The following RSPRY1 variants were observed in gnomAD, a reference collection of about 807,000 sequenced individuals.
RSPRY1 encodes ring finger and SPRY domain containing 1.
RSPRY1 carries 23 observed loss-of-function variants against 73.1 expected under a neutral mutation model. The observed-to-expected ratio is 0.31, with a 90% CI of 0.23 to 0.45. The LOEUF (loss-of-function observed/expected upper bound fraction) is 0.45, where lower values mean the gene tolerates loss of function less well. Ranked by LOEUF, RSPRY1 falls within the 20% of genes least tolerant of loss-of-function variation. The pLI is 1.00. For missense variants in RSPRY1, 448 were observed against 698.7 expected (o/e 0.64, Z 4.05); for synonymous variants, 226 against 251.4 (o/e 0.90, Z 0.95).
At chr16:57,234,986 C>T in intron 13 of RSPRY1, 138 bp from the exon 14 acceptor site, 1 of 615,012 alleles carries the variant, frequency 1.6e-6, no homozygotes, top group Non-Finnish European at 2.9e-6. Flanking sequence ...AAGGAGATGG[C>T]ATGTATGAAA....
intron 1 of RSPRY1, among the ~76,000 whole-genome samples, chr16:57,199,415 G>A (rs1393049520): frequency 9.9e-5 from 15 of 152,042 alleles, no homozygotes; most frequent in Admixed American, 9.2e-4. Context: ...TCACTTGAAC[G>A]TGGGAGGCAG....
At chr16:57,216,632 A>G (rs2074945926) in intron 7 of RSPRY1, 1 of 409,676 alleles carries the variant, frequency 2.4e-6, no homozygotes, top group Non-Finnish European at 4.5e-6. Context: ...AGGCGGGGGG[A>G]TCACTTGAGC....
chr16:57,230,044 C>T lies in RSPRY1; in HGVS notation c.1274-667C>T, dbSNP rs1287566325. ...TTTTTTTTTTGAGATGGATTTTTGC[C>T]CCGTCACCCAGGCTGGAGTGCAATG... On this transcript the variant is annotated intron_variant, in intron 11 of 14. Coordinates refer to ENST00000394420, the MANE Select transcript of RSPRY1 (RefSeq NM_133368.3). Among the ~76,000 whole-genome samples, 86 of 97,452 alleles carry T rather than the reference C, an allele frequency of 8.8e-4. No individual in the cohort carries two copies. In the Middle Eastern group the frequency reaches 0.031, roughly 35 times the overall value. The allele number at this position is 97,452 out of a possible 152,430, so 63.9% of individuals were successfully genotyped here. A position where few individuals can be genotyped will look rare whatever the true frequency, so the allele number is the denominator to read the frequency against.
chr16:57,194,172 A>C (rs1169431612), intron 1 of RSPRY1, among the ~76,000 whole-genome samples: 1 of 152,224 alleles, frequency 6.6e-6, no homozygotes, highest in Non-Finnish European at 1.5e-5. Context: ...ATTTAAGAGA[A>C]AGTATACTGA....
At chr16:57,193,561 C>T (rs1463007485) in intron 1 of RSPRY1, among the ~76,000 whole-genome samples, 7 of 150,680 alleles carry the variant, frequency 4.6e-5, no homozygotes, top group South Asian at 2.1e-4. Context: ...GGGATGATCT[C>T]GGCTCACTGC....
intron 14 of RSPRY1, among the ~76,000 whole-genome samples, chr16:57,235,992 G>A (rs1166141288): frequency 6.6e-6 from 1 of 152,148 alleles, no homozygotes; most frequent in Non-Finnish European, 1.5e-5. Context: ...TGCACTTAAG[G>A]GAAGTAGAGT....
rs527711673 is a variant in RSPRY1, at chr16:57,208,226, C to T, written c.403+116C>T. ...GAGATAAAAGACTCCAAAAATACAG[C>T]ATACATAACAATGAAAAAAGCCCTT... On this transcript the variant is annotated intron_variant, in intron 3 of 14. Transcript: ENST00000394420. 97 of 585,194 alleles carry T rather than the reference C, an allele frequency of 1.7e-4. 1 individual carries two copies. In the South Asian group the frequency reaches 2.2e-3, roughly 13 times the overall value. The allele number at this position is 585,194 out of a possible 1,614,324, so 36.3% of individuals were successfully genotyped here.
At chr16:57,216,275 A>G in intron 7 of RSPRY1, 102 bp downstream of exon 7, 2 of 810,934 alleles carry the variant, frequency 2.5e-6, no homozygotes, top group Non-Finnish European at 4.2e-6. Flanking sequence ...ACCCCATCAG[A>G]TGGGCATACA....
chr16:57,222,676 A>G (rs1427346388), intron 10 of RSPRY1, among the ~76,000 whole-genome samples: 4 of 152,242 alleles, frequency 2.6e-5, no homozygotes, highest in Non-Finnish European at 4.4e-5. Context: ...TGGCCTTCCT[A>G]TTCTACAACA....
At chr16:57,197,480 GT>G (rs1485826212) in intron 1 of RSPRY1, among the ~76,000 whole-genome samples, 1 of 151,338 alleles carries the variant, frequency 6.6e-6, no homozygotes, top group Non-Finnish European at 1.5e-5. Flanking sequence ...TTTACACTTG[GT>G]TTTCACAGAT....
intron 1 of RSPRY1, among the ~76,000 whole-genome samples, chr16:57,193,415 A>G (rs1371904035): frequency 3.3e-5 from 5 of 151,678 alleles, no homozygotes; most frequent in African/African-American, 9.7e-5. Context: ...CCAAATCAGT[A>G]TTGTTGACTT....
chr16:57,229,690 CTTTTTTTTTTTTTTTTTTTT>C (rs1162737560), intron 11 of RSPRY1, among the ~76,000 whole-genome samples: 13 of 42,142 alleles, frequency 3.1e-4, no homozygotes, highest in East Asian at 9.4e-4. Context: ...AAGATAAATG[CTTTTTTTTTTTTTTTTTTTT>C]TTTTTTTTTT....
At chr16:57,194,375 C>G (rs2074402556) in intron 1 of RSPRY1, among the ~76,000 whole-genome samples, 1 of 151,962 alleles carries the variant, frequency 6.6e-6, no homozygotes, top group Non-Finnish European at 1.5e-5. Context: ...ACAGTGAACT[C>G]TAATTCAATT....
At chr16:57,190,791 A>G (rs1452615736) in intron 1 of RSPRY1, among the ~76,000 whole-genome samples, 1 of 152,218 alleles carries the variant, frequency 6.6e-6, no homozygotes, top group Non-Finnish European at 1.5e-5. Context: ...TAGAGAAAAC[A>G]TACAAATGTG....
At chr16:57,227,499 C>G (rs752322548) in intron 11 of RSPRY1, 46 bp downstream of exon 11, 2 of 1,351,292 alleles carry the variant, frequency 1.5e-6, no homozygotes, top group Non-Finnish European at 2.1e-6. Flanking sequence ...GTTAAGACAT[C>G]TGGTTATTAT....
intron 7 of RSPRY1, 52 bp downstream of exon 7, chr16:57,216,225 A>AT (rs779609526): frequency 7.3e-7 from 1 of 1,376,274 alleles, no homozygotes; most frequent in Admixed American, 1.8e-5. Flanking sequence ...GTTGTTAAAA[A>AT]TTTTATTTTT....
chr16:57,226,676 C>T (rs2075125970), intron 10 of RSPRY1, among the ~76,000 whole-genome samples: 1 of 152,186 alleles, frequency 6.6e-6, no homozygotes. Flanking sequence ...TTGTTGCCAT[C>T]TTGGTTTTGG....
intron 1 of RSPRY1, among the ~76,000 whole-genome samples, chr16:57,194,599 T>C (rs1210559590): frequency 1.3e-5 from 2 of 152,226 alleles, no homozygotes; most frequent in East Asian, 3.8e-4. Flanking sequence ...TCACATCCTC[T>C]AACACTATTT....
In RSPRY1 at chr16:57,211,882, A is replaced by G. The variant is rs567918172; in HGVS notation, c.517-1090A>G. On this transcript the variant is annotated intron_variant, in intron 4 of 14. Transcript: ENST00000394420. The stretch of plus-strand genomic sequence containing the variant: ...GCATGAGCCACTGTGCCCAGCCTCA[A>G]TTCTGGCATTTTCATTCATCTGTTT... Among the ~76,000 whole-genome samples, 131 of 152,188 alleles carry G rather than the reference A, an allele frequency of 8.6e-4. 1 individual carries two copies. Among genetic ancestry groups the G allele is most frequent in the Middle Eastern group, 3.4e-3 (1 of 294 alleles).
Sources: gnomAD v4.1 joint callset for allele counts (sites outside exome capture counted in the v4.1 genomes callset) on GRCh38, gnomAD v4.1.1 for gene constraint, MANE v1.5 for transcripts, NCBI Gene and HGNC (gene_info 2026-07-23, HGNC 2026-07-21) for gene names.